The following IKZF1 variants were observed in gnomAD, a reference collection of about 807,000 sequenced individuals.
IKZF1 encodes IKAROS family zinc finger 1.
In IKZF1, 10 loss-of-function variants were observed where a neutral mutation model predicts 51.7. The observed-to-expected ratio is 0.19, with a 90% CI of 0.12 to 0.33. The LOEUF (loss-of-function observed/expected upper bound fraction) is 0.33. Among genes scored for constraint, IKZF1 ranks in the 10% least tolerant of loss-of-function variants. The pLI, the probability that IKZF1 is intolerant of heterozygous loss-of-function variation, is 1.00. For missense variants in IKZF1, 484 were observed against 707.5 expected (o/e 0.68, Z 3.58); for synonymous variants, 280 against 282.3 (o/e 0.99, Z 0.08).
chr7:50,305,932 A>G (rs1788673423), intron 1 of IKZF1, among the ~76,000 whole-genome samples: 2 of 152,216 alleles, frequency 1.3e-5, no homozygotes, highest in African/African-American at 4.8e-5. Context: ...CCACATAGAA[A>G]TGTCCTGGGT....
intron 6 of IKZF1, among the ~76,000 whole-genome samples, chr7:50,389,981 G>C (rs945592273): frequency 6.6e-6 from 1 of 152,202 alleles, no homozygotes; most frequent in African/African-American, 2.4e-5. Flanking sequence ...AGGCAATATA[G>C]GAAAAGATGA....
At chr7:50,360,558 A>G (rs1804896199) in intron 3 of IKZF1, among the ~76,000 whole-genome samples, 1 of 152,210 alleles carries the variant, frequency 6.6e-6, no homozygotes, top group Non-Finnish European at 1.5e-5. Flanking sequence ...CACTTTGCCG[A>G]ACTCCCTTTT....
intron 3 of IKZF1, among the ~76,000 whole-genome samples, chr7:50,361,525 G>A (rs1228805133): frequency 2.0e-5 from 3 of 152,178 alleles, no homozygotes; most frequent in South Asian, 4.1e-4. Context: ...GGGCAGCTGA[G>A]GAAATGCTCC....
At chr7:50,363,122 T>A (rs1584787583) in intron 3 of IKZF1, among the ~76,000 whole-genome samples, 1 of 152,254 alleles carries the variant, frequency 6.6e-6, no homozygotes. Flanking sequence ...ATGCATGGGC[T>A]ACATAGGAGA....
At position 50,376,880 on chromosome 7, in the gene IKZF1, C is replaced by T; in HGVS notation, c.421+87C>T. The T allele has an allele frequency of 6.5e-7, 1 of 1,540,140 alleles. No homozygotes were observed. The highest frequency in any genetic ancestry group is 8.7e-7 in the Non-Finnish European group (1 of 1,143,940). ...GAAAGCATCCTGTCTTCCTTGTGTT[C>T]TGAGCATGTTTCTAATTGACTGGTA... On this transcript the variant is annotated intron_variant, in intron 4 of 7. Transcript: ENST00000331340. This position sits in a 1 kb window ranked among gnomAD's most constrained non-coding sequence, Gnocchi z 4.5.
At chr7:50,332,938 A>T (rs1222422165) in intron 3 of IKZF1, among the ~76,000 whole-genome samples, 5 of 152,104 alleles carry the variant, frequency 3.3e-5, no homozygotes, top group African/African-American at 1.2e-4. Flanking sequence ...TGAGTGGTTT[A>T]TTTCAGCTTG....
intron 1 of IKZF1, among the ~76,000 whole-genome samples, chr7:50,306,108 G>A (rs1788715657): frequency 6.6e-6 from 1 of 152,202 alleles, no homozygotes; most frequent in Non-Finnish European, 1.5e-5. Flanking sequence ...GGCTTAAAAT[G>A]TACACGAGGC....
Position 50,398,625 on chromosome 7 carries a change from C to T in IKZF1, c.851-1293C>T, listed in dbSNP as rs183061022. On this transcript the variant is annotated intron_variant, in intron 7 of 7. Transcript: ENST00000331340. ...AATCACACATAAACTTCTACCTACCCTCCCCTAGTAGCTGTCTGCTGCTAA... is the reference window on the plus strand; with the variant it reads ...AATCACACATAAACTTCTACCTACCTTCCCCTAGTAGCTGTCTGCTGCTAA... Among the ~76,000 whole-genome samples, 339 of 152,334 alleles carry T rather than the reference C, an allele frequency of 2.2e-3. 1 individual carries two copies. The highest frequency in any genetic ancestry group is 3.7e-3 in the Non-Finnish European group (250 of 68,038).
chr7:50,333,184 T>C (rs1293484324), intron 3 of IKZF1, among the ~76,000 whole-genome samples: 1 of 152,070 alleles, frequency 6.6e-6, no homozygotes, highest in Admixed American at 6.5e-5. Flanking sequence ...ATTCATTCAA[T>C]TGAAGTAAAA....
intron 1 of IKZF1, among the ~76,000 whole-genome samples, chr7:50,313,622 G>T (rs1214225448): frequency 3.3e-5 from 5 of 152,228 alleles, no homozygotes; most frequent in African/African-American, 1.2e-4. Context: ...CCATCAGACT[G>T]CACGGGTTCA....
In IKZF1 at chr7:50,325,876, T is replaced by C. The variant is rs138505447; in HGVS notation, c.41-1762T>C. ...CATGAACACTTTCACTCAATGTCTCTCTGGCCTTTTGTTTTTCCTTGGGAA... is the reference window on the plus strand; with the variant it reads ...CATGAACACTTTCACTCAATGTCTCCCTGGCCTTTTGTTTTTCCTTGGGAA... On this transcript the variant is annotated intron_variant, in intron 2 of 7. Transcript: ENST00000331340. Among the ~76,000 whole-genome samples, 7 of 152,342 alleles carry C rather than the reference T, an allele frequency of 4.6e-5. No individual in the cohort carries two copies. The East Asian group carries it at 1.3e-3, about 29-fold the overall frequency.
intron 3 of IKZF1, among the ~76,000 whole-genome samples, chr7:50,355,068 G>T (rs1802918618): frequency 6.6e-6 from 1 of 152,110 alleles, no homozygotes; most frequent in South Asian, 2.1e-4. Context: ...CTTGGGGGAA[G>T]GTGGAGATGA....
chr7:50,383,876 G>A lies in IKZF1; in HGVS notation c.589+1169G>A, dbSNP rs546200899. ...GGCCATCTCTTCCCAAATGTGATGC[G>A]TGTATTTGATGGTTGAGGGTTTTAG... On this transcript the variant is annotated intron_variant, in intron 5 of 7. Coordinates refer to ENST00000331340, the MANE Select transcript of IKZF1 (RefSeq NM_006060.6). Among the ~76,000 whole-genome samples the A allele has an allele frequency of 9.8e-5, 15 of 152,354 alleles. No individual in the cohort carries two copies. In the East Asian group the frequency reaches 1.4e-3, roughly 14 times the overall value.
intron 3 of IKZF1, among the ~76,000 whole-genome samples, chr7:50,340,445 G>A (rs1187863728): frequency 1.3e-5 from 2 of 152,218 alleles, no homozygotes; most frequent in African/African-American, 4.8e-5. Flanking sequence ...GGGTGTGATC[G>A]ATGGAAGGCC....
intron 2 of IKZF1, among the ~76,000 whole-genome samples, chr7:50,327,056 A>C (rs1718378215): frequency 6.6e-6 from 1 of 152,232 alleles, no homozygotes; most frequent in Non-Finnish European, 1.5e-5. Context: ...GACAAAAGAT[A>C]GGAAGAACCT....
chr7:50,374,532 A>C (rs1219696180), intron 3 of IKZF1, among the ~76,000 whole-genome samples: 2 of 152,188 alleles, frequency 1.3e-5, no homozygotes, highest in Non-Finnish European at 2.9e-5. Context: ...TAGGATAATG[A>C]TAGCACTTCC....
At chr7:50,307,995 AC>A (rs1466009292) in intron 1 of IKZF1, among the ~76,000 whole-genome samples, 1 of 152,112 alleles carries the variant, frequency 6.6e-6, no homozygotes, top group African/African-American at 2.4e-5. Flanking sequence ...TTAATAAATG[AC>A]TTCATATCTC....
intron 3 of IKZF1, chr7:50,369,595 A>G (rs570098190): frequency 2.3e-5 from 9 of 398,500 alleles, no homozygotes; most frequent in Non-Finnish European, 3.5e-5. Context: ...AACAGCAACC[A>G]AACTGTTCTG....
intron 1 of IKZF1, among the ~76,000 whole-genome samples, chr7:50,316,227 GCCT>G (rs1791501584): frequency 6.6e-6 from 1 of 152,112 alleles, no homozygotes; most frequent in Non-Finnish European, 1.5e-5. Context: ...AAAACTTGAG[GCCT>G]CTTGTTCAGA....
Sources: allele counts gnomAD v4.1 joint callset (sites outside exome capture counted in the v4.1 genomes callset), GRCh38; gene constraint gnomAD v4.1.1; non-coding constraint Gnocchi (gnomAD v3.1); transcripts MANE v1.5; gene names NCBI Gene and HGNC (gene_info 2026-07-23, HGNC 2026-07-21).